The following CMIP variants were observed in gnomAD, a reference collection of about 807,000 sequenced individuals.
The protein encoded by CMIP is c-Maf inducing protein.
A neutral mutation model predicts 97.3 loss-of-function variants in CMIP; 13 were observed. That is an observed-to-expected ratio of 0.13 (90% CI 0.09 to 0.21). The LOEUF is 0.21. CMIP is among the 10% of genes least tolerant of loss of function. CMIP has a pLI of 1.00. For synonymous variants in CMIP, 538 were observed against 436.3 expected (o/e 1.23, Z -2.91); for missense variants, 847 against 1,024.9 (o/e 0.83, Z 2.37).
chr16:81,620,303 C>G (rs1389086953), intron 2 of CMIP: 1 of 152,756 alleles, frequency 6.5e-6, no homozygotes, highest in Non-Finnish European at 1.5e-5. Context: ...AGGAGAAGGT[C>G]ATGGTTAAAT....
At chr16:81,705,118 G>T (rs1444841670) in intron 18 of CMIP, among the ~76,000 whole-genome samples, 1 of 152,166 alleles carries the variant, frequency 6.6e-6, no homozygotes, top group Non-Finnish European at 1.5e-5. Context: ...TTCCAGAGGA[G>T]AAACTGGGGA....
chr16:81,628,125 G>T (rs1047630264), intron 3 of CMIP, among the ~76,000 whole-genome samples: 1 of 152,132 alleles, frequency 6.6e-6, no homozygotes, highest in African/African-American at 2.4e-5. Context: ...CCTACAAAAG[G>T]GGAAATCCTG....
chr16:81,669,099 C>T (rs888949559), intron 7 of CMIP, among the ~76,000 whole-genome samples: 2 of 120,108 alleles, frequency 1.7e-5, no homozygotes, highest in East Asian at 2.8e-4. Flanking sequence ...CACCTCACAC[C>T]TCCACACCCA....
At chr16:81,589,069 C>T (rs1567596760) in intron 1 of CMIP, among the ~76,000 whole-genome samples, 1 of 146,978 alleles carries the variant, frequency 6.8e-6, no homozygotes, top group Non-Finnish European at 1.5e-5. Context: ...TATTGTATTG[C>T]TTTTTTTTTT....
chr16:81,568,354 T>C (rs1169276301), intron 1 of CMIP, among the ~76,000 whole-genome samples: 5 of 152,122 alleles, frequency 3.3e-5, no homozygotes, highest in Non-Finnish European at 5.9e-5. Context: ...CCACTGAAAG[T>C]GGGAGCATCA....
intron 10 of CMIP, among the ~76,000 whole-genome samples, chr16:81,682,802 A>T (rs1333769001): frequency 6.6e-6 from 1 of 152,214 alleles, no homozygotes; most frequent in Non-Finnish European, 1.5e-5. Flanking sequence ...CATCATTAGA[A>T]TTTGACACTT....
chr16:81,568,574 G>A (rs919296688), intron 1 of CMIP, among the ~76,000 whole-genome samples: 7 of 152,192 alleles, frequency 4.6e-5, no homozygotes, highest in Admixed American at 2.0e-4. Context: ...AGGAGGACCC[G>A]GCATGACAGC....
chr16:81,620,091 C>G (rs952890955), intron 2 of CMIP: 1 of 152,188 alleles, frequency 6.6e-6, no homozygotes, highest in Admixed American at 6.5e-5. Flanking sequence ...TCTAGATGCT[C>G]TACAAGAATA....
intron 1 of CMIP, among the ~76,000 whole-genome samples, chr16:81,597,347 C>T (rs553933935): frequency 2.6e-5 from 4 of 152,204 alleles, no homozygotes; most frequent in African/African-American, 9.7e-5. Flanking sequence ...CTGGTAACCC[C>T]TCTGGTCTTT....
intron 1 of CMIP, among the ~76,000 whole-genome samples, chr16:81,447,006 G>A (rs987867236): frequency 2.0e-5 from 3 of 152,184 alleles, no homozygotes; most frequent in Non-Finnish European, 4.4e-5. Flanking sequence ...GCGGGGAGGC[G>A]GCCCAGTCCC....
intron 5 of CMIP, among the ~76,000 whole-genome samples, 188 bp from the exon 6 acceptor site, chr16:81,660,696 A>G (rs1282224764): frequency 2.0e-5 from 3 of 151,858 alleles, no homozygotes; most frequent in Non-Finnish European, 4.4e-5. Flanking sequence ...ACACAGACAG[A>G]TACGGTTGTG....
chr16:81,457,879 C>G (rs1401834421), intron 1 of CMIP, among the ~76,000 whole-genome samples: 1 of 152,198 alleles, frequency 6.6e-6, no homozygotes, highest in Non-Finnish European at 1.5e-5. Flanking sequence ...CCCCAGGCCC[C>G]CAGAAGGAAA....
At chr16:81,578,954 G>A (rs73596497) in intron 1 of CMIP, among the ~76,000 whole-genome samples, 10,370 of 152,304 alleles carry the variant, frequency 0.068, 718 homozygotes, top group African/African-American at 0.17. Context: ...AGACAGCAGA[G>A]GGAACACTGG....
intron 3 of CMIP, among the ~76,000 whole-genome samples, chr16:81,650,439 CAG>C (rs1278686494): frequency 1.3e-5 from 2 of 151,554 alleles, no homozygotes; most frequent in East Asian, 3.9e-4. Flanking sequence ...AAAGAAGGAG[CAG>C]AGAGAGGAGA....
At chr16:81,502,818 A>G (rs965422678) in intron 1 of CMIP, among the ~76,000 whole-genome samples, 1 of 152,238 alleles carries the variant, frequency 6.6e-6, no homozygotes, top group Non-Finnish European at 1.5e-5. Context: ...CCTTCTGGCT[A>G]TGTGACCAGT....
intron 7 of CMIP, chr16:81,664,855 A>C: frequency 1.4e-4 from 25 of 183,190 alleles, no homozygotes; most frequent in East Asian, 4.0e-4. Context: ...GACGTATAAA[A>C]ACGACACTTG....
intron 18 of CMIP, among the ~76,000 whole-genome samples, chr16:81,705,263 C>T (rs72831133): frequency 6.6e-6 from 1 of 152,138 alleles, no homozygotes; most frequent in Non-Finnish European, 1.5e-5. Flanking sequence ...AAAACTGACT[C>T]CAAGGGGGCC....
At chr16:81,500,479 T>TTTTC (rs1218221031) in intron 1 of CMIP, among the ~76,000 whole-genome samples, 3 of 124,134 alleles carry the variant, frequency 2.4e-5, no homozygotes, top group Admixed American at 8.6e-5. Flanking sequence ...TTCCTCCCCC[T>TTTTC]TTTCTTTCTT....
chr16:81,606,124 C>A lies in CMIP; in HGVS notation c.301-1443C>A, dbSNP rs140318933. On this transcript the variant is annotated intron_variant, in intron 1 of 20. Transcript: ENST00000537098. ...CTGTTGGGCCTTAGACTTTGAATTG[C>A]CTTTGCCTCTTTCTTGGAACACAGG... 3.9e-4 allele frequency among the ~76,000 whole-genome samples: 59 copies of A among 152,328 alleles called. No homozygotes were observed. In the East Asian group the frequency reaches 7.9e-3, roughly 20 times the overall value.
Sources: allele counts gnomAD v4.1 joint callset (sites outside exome capture counted in the v4.1 genomes callset), GRCh38; gene constraint gnomAD v4.1.1; transcripts MANE v1.5; gene names NCBI Gene and HGNC (gene_info 2026-07-23, HGNC 2026-07-21).